TRDN: variants seen among roughly 807,000 people sequenced by gnomAD.
The protein encoded by TRDN is triadin.
In TRDN, 161 loss-of-function variants were observed where a neutral mutation model predicts 149.7. That is an observed-to-expected ratio of 1.08 (90% CI 0.95 to 1.23). The LOEUF (loss-of-function observed/expected upper bound fraction) is 1.23. Among genes scored for constraint, TRDN ranks in the 50% most tolerant of loss-of-function variants. TRDN has a pLI of 0.00. For synonymous variants in TRDN, 294 were observed against 250.5 expected (o/e 1.17, Z -1.64); for missense variants, 896 against 823.5 (o/e 1.09, Z -1.08).
intron 24 of TRDN, among the ~76,000 whole-genome samples, chr6:123,306,488 AG>A (rs1184116814): frequency 1.3e-5 from 2 of 152,104 alleles, no homozygotes; most frequent in Non-Finnish European, 2.9e-5. Flanking sequence ...TAGAAAAGCC[AG>A]GGGGAGAAAA....
chr6:123,609,647 A>G (rs1784693680), intron 1 of TRDN, among the ~76,000 whole-genome samples: 1 of 152,162 alleles, frequency 6.6e-6, no homozygotes, highest in Non-Finnish European at 1.5e-5. Context: ...GTTCTTCTCC[A>G]AACTGACTTG....
At chr6:123,574,867 T>TATATATATATATATATATATATATAC (rs1782760740) in intron 1 of TRDN, among the ~76,000 whole-genome samples, 1 of 118,446 alleles carries the variant, frequency 8.4e-6, no homozygotes, top group Non-Finnish European at 1.7e-5. Context: ...CATATATATA[T>TATATATATATATATATATATATATAC]ATATATATAT....
chr6:123,269,641 G>T (rs1361161215), intron 31 of TRDN, among the ~76,000 whole-genome samples: 2 of 151,738 alleles, frequency 1.3e-5, no homozygotes, highest in African/African-American at 4.8e-5. Flanking sequence ...TTGGTAGATT[G>T]ATTTAACAAG....
chr6:123,311,311 A>G (rs1182567829), intron 24 of TRDN, among the ~76,000 whole-genome samples: 1 of 151,958 alleles, frequency 6.6e-6, no homozygotes, highest in Non-Finnish European at 1.5e-5. Context: ...AATCGCCCCC[A>G]TGATCCAATC....
At chr6:123,295,164 C>T (rs1234473024) in intron 24 of TRDN, among the ~76,000 whole-genome samples, 1 of 152,122 alleles carries the variant, frequency 6.6e-6, no homozygotes, top group East Asian at 1.9e-4. Context: ...TTAACCCTTG[C>T]CATGACAACA....
chr6:123,318,538 G>A (rs999615856), intron 23 of TRDN, among the ~76,000 whole-genome samples: 2 of 151,964 alleles, frequency 1.3e-5, no homozygotes, highest in Non-Finnish European at 2.9e-5. Context: ...CTCCTTCTTA[G>A]TTCTGTTTCC....
chr6:123,465,088 C>T (rs2114709940), intron 9 of TRDN, 105 bp from the exon 10 acceptor site: 2 of 1,201,596 alleles, frequency 1.7e-6, no homozygotes, highest in South Asian at 1.8e-5. Flanking sequence ...TTCATAATAC[C>T]AAGCCAAGTA....
At chr6:123,446,653 G>A (rs1009898197) in intron 10 of TRDN, among the ~76,000 whole-genome samples, 1 of 151,530 alleles carries the variant, frequency 6.6e-6, no homozygotes, top group East Asian at 1.9e-4. Context: ...ACTCAGGAGG[G>A]GAGTGTTGAG....
intron 4 of TRDN, among the ~76,000 whole-genome samples, chr6:123,532,988 C>T (rs546453168): frequency 6.6e-6 from 1 of 152,026 alleles, no homozygotes; most frequent in African/African-American, 2.4e-5. Flanking sequence ...CCCTCGTCTC[C>T]AAGCCAACAG....
At chr6:123,620,808 G>A (rs928241174) in intron 1 of TRDN, among the ~76,000 whole-genome samples, 1 of 152,106 alleles carries the variant, frequency 6.6e-6, no homozygotes, top group East Asian at 1.9e-4. Flanking sequence ...GGAAACCTAA[G>A]TTTTGCCTGA....
chr6:123,610,426 A>G (rs572324508), intron 1 of TRDN, among the ~76,000 whole-genome samples: 2 of 152,250 alleles, frequency 1.3e-5, no homozygotes, highest in South Asian at 2.1e-4. Flanking sequence ...CCATGTCGCT[A>G]TGTGTTCATT....
intron 12 of TRDN, among the ~76,000 whole-genome samples, chr6:123,394,576 G>A (rs1402965731): frequency 6.6e-6 from 1 of 152,102 alleles, no homozygotes; most frequent in Non-Finnish European, 1.5e-5. Flanking sequence ...ATATGTAGTA[G>A]TTGATTCACA....
At chr6:123,233,194 T>A (rs181381554) in intron 38 of TRDN, among the ~76,000 whole-genome samples, 1 of 152,174 alleles carries the variant, frequency 6.6e-6, no homozygotes, top group African/African-American at 2.4e-5. Flanking sequence ...CACATTTTCC[T>A]AAGAAATCTT....
At chr6:123,425,377 T>G (rs1774080556) in intron 12 of TRDN, among the ~76,000 whole-genome samples, 1 of 151,648 alleles carries the variant, frequency 6.6e-6, no homozygotes, top group African/African-American at 2.4e-5. Context: ...GGCAATTGGA[T>G]AGATGAAGGT....
At chr6:123,319,677 A>G (rs1281409545) in intron 23 of TRDN, among the ~76,000 whole-genome samples, 1 of 152,086 alleles carries the variant, frequency 6.6e-6, no homozygotes, top group Admixed American at 6.6e-5. Flanking sequence ...ATAATAATAC[A>G]ATATCTAATT....
chr6:123,620,998 T>C (rs1441685301), intron 1 of TRDN, among the ~76,000 whole-genome samples: 1 of 152,086 alleles, frequency 6.6e-6, no homozygotes, highest in Non-Finnish European at 1.5e-5. Context: ...ATTCTAGTCA[T>C]GGAGTGTTCT....
At chr6:123,414,807 A>G (rs1047828040) in intron 12 of TRDN, among the ~76,000 whole-genome samples, 7 of 152,120 alleles carry the variant, frequency 4.6e-5, no homozygotes, top group African/African-American at 7.2e-5. Context: ...GAAAATGAGT[A>G]CCCTAGGATT....
chr6:123,307,080 A>G (rs1184864733), intron 24 of TRDN, among the ~76,000 whole-genome samples: 1 of 152,046 alleles, frequency 6.6e-6, no homozygotes, highest in Admixed American at 6.6e-5. Context: ...GAGGTGGAAA[A>G]CATTGTCTAA....
intron 40 of TRDN, 115 bp from the exon 41 acceptor site, chr6:123,218,855 C>T: frequency 8.7e-7 from 1 of 1,150,414 alleles, no homozygotes. Context: ...GCCTCCGTAG[C>T]TGTTGGCAAG....
Sources: allele counts gnomAD v4.1 joint callset (sites outside exome capture counted in the v4.1 genomes callset), GRCh38; gene constraint gnomAD v4.1.1; transcripts MANE v1.5; gene names NCBI Gene and HGNC (gene_info 2026-07-23, HGNC 2026-07-21).